SREBF1: variants seen among roughly 807,000 people sequenced by gnomAD.
SREBF1 encodes the protein sterol regulatory element binding transcription factor 1.
In SREBF1, 45 loss-of-function variants were observed where a neutral mutation model predicts 100.1. The observed-to-expected ratio is 0.45, with a 90% CI of 0.35 to 0.58. SREBF1 has a LOEUF of 0.58. Ranked by LOEUF, SREBF1 falls within the 20% of genes least tolerant of loss-of-function variation. SREBF1 has a pLI of 0.00. For missense variants in SREBF1, 1,324 were observed against 1,539.4 expected, an observed-to-expected ratio of 0.86 and a Z score of 2.34; for synonymous variants, 657 against 681.8, an observed-to-expected ratio of 0.96 and a Z score of 0.57.
intron 1 of SREBF1, among the ~76,000 whole-genome samples, chr17:17,836,461 G>A (rs2143262858): frequency 6.6e-6 from 1 of 152,290 alleles, no homozygotes; most frequent in African/African-American, 2.4e-5. Flanking sequence ...GACGCGTAGA[G>A]GCGCACGTGT....
chr17:17,823,707 A>T (rs1428650023), intron 1 of SREBF1: 1 of 578,792 alleles, frequency 1.7e-6, no homozygotes, highest in Non-Finnish European at 2.2e-6. Flanking sequence ...CCCCGCCTGC[A>T]GGTCCCGCCC....
Position 17,811,809 on chromosome 17 carries a change from G to A in SREBF1, c.*813C>T. On this transcript the variant is annotated 3_prime_UTR_variant, in exon 19 of 19. Transcript: ENST00000261646. ...CCTGATGGGGACAGAGCTGGGAGGT[G>A]AGAAGGGACAACTGACCCCATGGAG... 1 of 452,222 alleles carries A rather than the reference G, an allele frequency of 2.2e-6. No homozygotes were observed. The highest frequency in any genetic ancestry group is 1.6e-5 in the South Asian group (1 of 64,146). 28.0% of individuals were successfully genotyped at this position (452,222 alleles called of 1,614,324 possible). A position where few individuals can be genotyped will look rare whatever the true frequency, so the allele number is the denominator to read the frequency against.
chr17:17,819,889 G>A (rs111683968), intron 2 of SREBF1, 164 bp from the exon 3 acceptor site: 3 of 1,212,836 alleles, frequency 2.5e-6, no homozygotes, highest in South Asian at 1.6e-5. Flanking sequence ...CTGGCTTCAA[G>A]CCAGGCCTCC....
rs2143012118 is a variant in SREBF1 at position 17,815,863 on chromosome 17, G to C, written c.2380C>G (p.Pro794Ala). 1 of 1,612,438 alleles carries C rather than the reference G, an allele frequency of 6.2e-7. No individual in the cohort carries two copies. The highest frequency in any genetic ancestry group is 8.5e-7 in the Non-Finnish European group (1 of 1,179,704). ...CAGGGAAGGGGTAAGAGAGCACCTG[G>C]GTTCCCGGCCAAGCTGTACAGGCTC... ...WESLYSLAGN[P>A]VDPLAQVTQL... Residue 794 changes from proline (P) to alanine (A), a missense_variant, in exon 12 of 19, where the codon CCA becomes GCA. Pro to Ala is a conservative substitution (Grantham distance 27). Coordinates refer to ENST00000261646, the MANE Select transcript of SREBF1 (RefSeq NM_004176.5).
Position 17,816,198 on chromosome 17 carries a change from C to CCCCCG in SREBF1, c.2214+8_2214+9insCGGGG. On this transcript the variant is annotated intron_variant, in intron 11 of 18. Transcript: ENST00000261646. ...CAGGGATAAGCCCCCAGCCCCCCAA[C>CCCCCG]CCACTCACTGTCAGAAAATGCAAGG... The CCCCCG allele has an allele frequency of 6.6e-7, 1 of 1,512,920 alleles. No individual in the cohort carries two copies. The highest frequency in any genetic ancestry group is 9.0e-7 in the Non-Finnish European group (1 of 1,112,208). 93.7% of individuals were successfully genotyped at this position (1,512,920 alleles called of 1,614,324 possible).
chr17:17,831,330 A>G (rs1462563037), intron 1 of SREBF1, among the ~76,000 whole-genome samples: 1 of 151,982 alleles, frequency 6.6e-6, no homozygotes, highest in African/African-American at 2.4e-5. Flanking sequence ...ACAGCCAGAC[A>G]CATGACTAGA....
At chr17:17,827,007 G>T (rs1184117250) in intron 1 of SREBF1, among the ~76,000 whole-genome samples, 1 of 152,230 alleles carries the variant, frequency 6.6e-6, no homozygotes, top group African/African-American at 2.4e-5. Context: ...CAGGCACTGG[G>T]GCCATTATAG....
Position 17,836,804 on chromosome 17 carries a change from G to T in SREBF1, c.14C>A (p.Pro5His). Residue 5 changes from proline (P) to histidine (H), a missense_variant, in exon 1 of 19, where the codon CCC becomes CAC. By Grantham distance (77) the Pro-to-His change is moderately conservative. Transcript: ENST00000261646. ...CTGCTCCAAAGCCGCCTCGCTGAAG[G>T]GTGGCTCGTCCATGGCGCAGCCGCC... The part of the protein sequence containing the change: MDEP[P>H]FSEAALEQAL... 1 of 1,541,988 alleles carries T rather than the reference G, an allele frequency of 6.5e-7. No homozygotes were observed. Among genetic ancestry groups the T allele is most frequent in the Non-Finnish European group, 8.7e-7 (1 of 1,150,818 alleles).
At position 17,819,349 on chromosome 17, in the gene SREBF1, C is replaced by A; in HGVS notation, c.817G>T (p.Gly273Cys). ...KAAGLSPLVS[G>C]TTVQTGPLPT... ...AAAGGCCCTGTCTGCACAGTGGTGC[C>A]AGAGACCAGGGGACTGAGACCTGCC... The change falls in exon 4 of 19, where the codon GGC (glycine) becomes TGC (cysteine). Residue 273 changes from glycine (G) to cysteine (C), a missense_variant. By Grantham distance (159) the Gly-to-Cys change is radical. Coordinates refer to ENST00000261646, the MANE Select transcript of SREBF1 (RefSeq NM_004176.5). 6.2e-7 allele frequency: 1 copy of A among 1,613,808 alleles called. No homozygotes were observed. The highest frequency in any genetic ancestry group is 2.2e-5 in the East Asian group (1 of 44,882).
intron 1 of SREBF1, among the ~76,000 whole-genome samples, chr17:17,822,523 C>A (rs1007353410): frequency 7.9e-5 from 12 of 152,264 alleles, no homozygotes; most frequent in Non-Finnish European, 1.6e-4. Context: ...GGCCAAGGGC[C>A]CTCTCCCCCA....
chr17:17,816,663 C>CG lies in SREBF1; in HGVS notation c.1840dup (p.Arg614ProfsTer13). The CG allele has an allele frequency of 6.3e-7, 1 of 1,586,154 alleles. No homozygotes were observed. The highest frequency in any genetic ancestry group is 2.3e-5 in the East Asian group (1 of 43,562). ...GTCCAGGTGGGAGGTGGGCAGGGGC[C>CG]GGCCCAGTGCCCGCAGGGCCAGCCA... On this transcript the variant is annotated frameshift_variant, in exon 10 of 19. Coordinates refer to ENST00000261646, the MANE Select transcript of SREBF1 (RefSeq NM_004176.5). LOFTEE classifies it high-confidence loss of function.
intron 13 of SREBF1, 112 bp downstream of exon 13, chr17:17,815,109 A>G (rs1257154627): frequency 4.8e-6 from 6 of 1,242,022 alleles, no homozygotes; most frequent in Non-Finnish European, 7.1e-6. Flanking sequence ...TGAAGCGTGC[A>G]TGGCACGCAC....
Position 17,812,515 on chromosome 17 carries a change from CAG to C in SREBF1, c.*105_*106del, listed in dbSNP as rs1491396230. 7 of 1,190,620 alleles carry C rather than the reference CAG, an allele frequency of 5.9e-6. No homozygotes were observed. The highest frequency in any genetic ancestry group is 1.5e-5 in the African/African-American group (1 of 64,924). 73.8% of individuals were successfully genotyped at this position (1,190,620 alleles called of 1,614,324 possible). On this transcript the variant is annotated 3_prime_UTR_variant, in exon 19 of 19. Coordinates refer to ENST00000261646, the MANE Select transcript of SREBF1 (RefSeq NM_004176.5). ...CAGCCGCAGGTCGAACTGTGGAGGCCAGAGTCTCTTGCACTGCCTTCGGCCTT... is the reference window on the plus strand; with the variant it reads ...CAGCCGCAGGTCGAACTGTGGAGGCCAGTCTCTTGCACTGCCTTCGGCCTT...
chr17:17,835,033 G>A (rs1567998218), intron 1 of SREBF1, among the ~76,000 whole-genome samples: 1 of 152,126 alleles, frequency 6.6e-6, no homozygotes, highest in Non-Finnish European at 1.5e-5. Flanking sequence ...GGCCCAGAAC[G>A]GGTTCTGTTG....
intron 1 of SREBF1, among the ~76,000 whole-genome samples, chr17:17,833,190 G>A (rs2034982884): frequency 1.3e-5 from 2 of 151,532 alleles, no homozygotes; most frequent in South Asian, 2.1e-4. Flanking sequence ...TTGGGAGGCC[G>A]AGGTGGGCAG....
In SREBF1 at chr17:17,817,137, C is replaced by G; in HGVS notation, c.1607-1G>C. 1 of 1,613,156 alleles carries G rather than the reference C, an allele frequency of 6.2e-7. No homozygotes were observed. The highest frequency in any genetic ancestry group is 8.5e-7 in the Non-Finnish European group (1 of 1,179,906). On this transcript the variant is annotated splice_acceptor_variant, in intron 8 of 18. Transcript: ENST00000261646. LOFTEE classifies it high-confidence loss of function. This position sits in a 1 kb window ranked among gnomAD's most constrained non-coding sequence, Gnocchi z 6.6. Reference sequence around the variant, plus strand: ...AGCCACTGGGCCCAGCCAGGGCCATCTATGGACAGAGGGAAAGCTGGGGAC... The same window carrying G: ...AGCCACTGGGCCCAGCCAGGGCCATGTATGGACAGAGGGAAAGCTGGGGAC...
At position 17,814,375 on chromosome 17, in the gene SREBF1, T is replaced by A. The variant is rs748957764; in HGVS notation, c.2771A>T (p.Lys924Met). 43 of 1,565,384 alleles carry A rather than the reference T, an allele frequency of 2.7e-5. No homozygotes were observed. The highest frequency in any genetic ancestry group is 3.7e-5 in the Non-Finnish European group (43 of 1,154,962). The change falls in exon 16 of 19, where the codon AAG becomes ATG. Residue 924 changes from lysine to methionine, a missense_variant. Transcript: ENST00000261646. The stretch of plus-strand genomic sequence containing the variant: ...ACAGCCCAGCAGGGCCCGGGCAGCC[T>A]TGAAGGAGTGCAGAGCTGCCCTGGG... ...PLPRAALHSF[K>M]AARALLGCAK...
intron 3 of SREBF1, 32 bp from the exon 4 acceptor site, chr17:17,819,486 T>C: frequency 6.2e-7 from 1 of 1,613,352 alleles, no homozygotes; most frequent in Non-Finnish European, 8.5e-7. Context: ...CTGTAAGCTG[T>C]GTGTCTGGGC....
rs920718041 is a variant in SREBF1 at position 17,825,279 on chromosome 17, C to T, written c.92-4758G>A. Among the ~76,000 whole-genome samples, 5 of 152,214 alleles carry T rather than the reference C, an allele frequency of 3.3e-5. No individual in the cohort carries two copies. In the East Asian group the frequency reaches 9.6e-4, roughly 29 times the overall value. The stretch of plus-strand genomic sequence containing the variant: ...CACATATTCCTGCCTCTTATTGTGT[C>T]TTTATTTGTCTCATCTTCCTGCTCT... On this transcript the variant is annotated intron_variant, in intron 1 of 18. Transcript: ENST00000261646.
Sources: gnomAD v4.1 joint callset for allele counts (sites outside exome capture counted in the v4.1 genomes callset) on GRCh38, gnomAD v4.1.1 for gene constraint, Gnocchi (gnomAD v3.1) non-coding constraint, MANE v1.5 for transcripts, NCBI Gene and HGNC (gene_info 2026-07-23, HGNC 2026-07-21) for gene names.